EYS: variants seen among roughly 807,000 people sequenced by gnomAD.
EYS encodes EGF-like photoreceptor maintenance factor.
Under a neutral mutation model 282.1 loss-of-function variants are expected in EYS, and 250 were observed. The observed-to-expected ratio is 0.89, with a 90% CI of 0.80 to 0.98. The LOEUF is 0.98. Among genes scored for constraint, EYS ranks in the 50% least tolerant of loss-of-function variants. The probability of loss-of-function intolerance (pLI) is 0.00; values close to 1 mark genes in which losing one functional copy is unlikely to be tolerated. For missense variants in EYS, 4,016 were observed against 3,709.0 expected, an observed-to-expected ratio of 1.08 and a Z score of -2.15; for synonymous variants, 1,355 against 1,282.9, an observed-to-expected ratio of 1.06 and a Z score of -1.20.
chr6:64,839,050 T>G (rs941447469), intron 19 of EYS, among the ~76,000 whole-genome samples: 2 of 152,030 alleles, frequency 1.3e-5, no homozygotes, highest in African/African-American at 4.8e-5. Context: ...AATTATATAT[T>G]TTATTCATAA....
intron 12 of EYS, among the ~76,000 whole-genome samples, chr6:65,244,751 T>C (rs1331509808): frequency 6.6e-6 from 1 of 151,724 alleles, no homozygotes; most frequent in African/African-American, 2.4e-5. Context: ...CTCTATCTCC[T>C]GACCTGCTGA....
At chr6:63,926,569 G>A (rs543428600) in intron 35 of EYS, among the ~76,000 whole-genome samples, 176 of 152,326 alleles carry the variant, frequency 1.2e-3, no homozygotes, top group Non-Finnish European at 2.3e-3. Flanking sequence ...GGGAGAAAGA[G>A]GGTAAGTGGC....
intron 31 of EYS, among the ~76,000 whole-genome samples, chr6:64,213,590 C>A (rs968644769): frequency 6.6e-6 from 1 of 152,018 alleles, no homozygotes; most frequent in African/African-American, 2.4e-5. Context: ...AATAAACTTG[C>A]ATGAGGGTCA....
At chr6:64,307,463 T>C (rs1474539322) in intron 29 of EYS, among the ~76,000 whole-genome samples, 1 of 152,076 alleles carries the variant, frequency 6.6e-6, no homozygotes, top group African/African-American at 2.4e-5. Context: ...TATGTGATTA[T>C]CTCACTTATA....
At chr6:64,592,892 A>G (rs745400105) in intron 25 of EYS, among the ~76,000 whole-genome samples, 1 of 152,214 alleles carries the variant, frequency 6.6e-6, no homozygotes, top group African/African-American at 2.4e-5. Context: ...GTGGAATAAA[A>G]ACTGTTAATT....
intron 35 of EYS, among the ~76,000 whole-genome samples, chr6:63,923,520 G>A (rs1324646319): frequency 6.6e-6 from 1 of 152,052 alleles, no homozygotes; most frequent in Non-Finnish European, 1.5e-5. Context: ...ATACTAAGAT[G>A]TACTACTGTT....
At chr6:65,117,849 T>C (rs1294262969) in intron 12 of EYS, among the ~76,000 whole-genome samples, 1 of 152,204 alleles carries the variant, frequency 6.6e-6, no homozygotes, top group Non-Finnish European at 1.5e-5. Context: ...GAGCTATGAC[T>C]AGCAATACCA....
intron 31 of EYS, among the ~76,000 whole-genome samples, chr6:64,186,019 A>G (rs1764928535): frequency 6.6e-6 from 1 of 152,116 alleles, no homozygotes; most frequent in African/African-American, 2.4e-5. Flanking sequence ...AGGCTAAAAT[A>G]CTCACATACT....
rs540041650 is a variant in EYS at position 65,296,185 on chromosome 6, A to G, written c.1767-66T>C. 8 of 1,336,468 alleles carry G rather than the reference A, an allele frequency of 6.0e-6. No individual in the cohort carries two copies. In the South Asian group the frequency reaches 1.2e-4, roughly 20 times the overall value. The allele number at this position is 1,336,468 out of a possible 1,614,324, so 82.8% of individuals were successfully genotyped here. ...TTTATTTTGATATATTTAAGTATTTAAATCACACATTTATTTAAAAACACA... is the reference window on the plus strand; with the variant it reads ...TTTATTTTGATATATTTAAGTATTTGAATCACACATTTATTTAAAAACACA... On this transcript the variant is annotated intron_variant, in intron 11 of 42. Transcript: ENST00000503581.
At chr6:64,192,030 G>C (rs974559679) in intron 31 of EYS, among the ~76,000 whole-genome samples, 1 of 144,272 alleles carries the variant, frequency 6.9e-6, no homozygotes. Flanking sequence ...TCTAACTGGT[G>C]TGAGATGTTA....
chr6:64,311,518 G>A (rs1284475279), intron 29 of EYS, among the ~76,000 whole-genome samples: 1 of 152,086 alleles, frequency 6.6e-6, no homozygotes, highest in African/African-American at 2.4e-5. Context: ...CCAAATCATA[G>A]CACTAGGAAT....
At chr6:64,941,469 T>C (rs900720691) in intron 15 of EYS, among the ~76,000 whole-genome samples, 1 of 152,064 alleles carries the variant, frequency 6.6e-6, no homozygotes. Context: ...TGTGTATGCA[T>C]CATTTTAGAT....
At chr6:64,298,270 AG>A (rs1366231473) in intron 30 of EYS, among the ~76,000 whole-genome samples, 3 of 152,172 alleles carry the variant, frequency 2.0e-5, no homozygotes, top group African/African-American at 7.2e-5. Flanking sequence ...TTGTTCTAAT[AG>A]TGTTATAACT....
intron 1 of EYS, among the ~76,000 whole-genome samples, chr6:65,649,718 G>A (rs948163983): frequency 6.6e-6 from 1 of 152,046 alleles, no homozygotes; most frequent in African/African-American, 2.4e-5. Flanking sequence ...TACAAATTCA[G>A]TATGAAGGAA....
intron 22 of EYS, among the ~76,000 whole-genome samples, chr6:64,679,592 G>A (rs1258526303): frequency 6.6e-6 from 1 of 152,038 alleles, no homozygotes; most frequent in Non-Finnish European, 1.5e-5. Flanking sequence ...ATGTGATCAT[G>A]TTAAAAACAT....
At chr6:65,497,232 A>G (rs1766288027) in intron 2 of EYS, among the ~76,000 whole-genome samples, 1 of 152,062 alleles carries the variant, frequency 6.6e-6, no homozygotes, top group South Asian at 2.1e-4. Flanking sequence ...CAGTTGGAAT[A>G]GGGTATCAAT....
At chr6:64,664,046 G>A (rs1430911526) in intron 22 of EYS, among the ~76,000 whole-genome samples, 1 of 152,216 alleles carries the variant, frequency 6.6e-6, no homozygotes, top group African/African-American at 2.4e-5. Context: ...GATCTGGAGG[G>A]ATGGAAGTAA....
At chr6:65,144,915 A>T (rs1450364311) in intron 12 of EYS, among the ~76,000 whole-genome samples, 2 of 151,722 alleles carry the variant, frequency 1.3e-5, no homozygotes, top group Non-Finnish European at 2.9e-5. Context: ...GATTATAGGC[A>T]TGCCCCATCT....
intron 28 of EYS, among the ~76,000 whole-genome samples, chr6:64,434,243 C>A (rs993775790): frequency 6.6e-6 from 1 of 152,004 alleles, no homozygotes; most frequent in Non-Finnish European, 1.5e-5. Flanking sequence ...TCATTTTGAT[C>A]TCAGAATTGT....
Sources: gnomAD v4.1 joint callset for allele counts (sites outside exome capture counted in the v4.1 genomes callset) on GRCh38, gnomAD v4.1.1 for gene constraint, MANE v1.5 for transcripts, NCBI Gene and HGNC (gene_info 2026-07-23, HGNC 2026-07-21) for gene names.